Variants in AR observed in about 807,000 individuals in gnomAD.
AR encodes the protein androgen receptor.
Under a neutral mutation model 53.9 loss-of-function variants are expected in AR, and 8 were observed. That is an observed-to-expected ratio of 0.15 (90% CI 0.09 to 0.27). AR has a LOEUF of 0.27. AR is among the 10% of genes least tolerant of loss of function. AR has a pLI of 1.00. For synonymous variants in AR, 359 were observed against 316.4 expected, an observed-to-expected ratio of 1.13 and a Z score of -1.43; for missense variants, 639 against 742.5, an observed-to-expected ratio of 0.86 and a Z score of 1.62.
chrX:67,694,726 A>C (rs2076011705), intron 3 of AR: 1 of 1,152,901 alleles, frequency 8.7e-7, no homozygotes, highest in African/African-American at 1.8e-5. Flanking sequence ...ACCCTGAAGA[A>C]AGGCTGACTT....
intron 1 of AR, among the ~76,000 whole-genome samples, chrX:67,639,031 A>T (rs999218090): frequency 1.8e-5 from 2 of 112,095 alleles, no homozygotes; most frequent in Non-Finnish European, 3.8e-5. Context: ...AGTTTTCTGC[A>T]TATGGCTAGC....
intron 1 of AR, among the ~76,000 whole-genome samples, chrX:67,598,290 T>G (rs2147372887): frequency 9.2e-6 from 1 of 108,362 alleles, no homozygotes; most frequent in South Asian, 4.1e-4. Flanking sequence ...AATGTTTTTT[T>G]TTTTTTTTTT....
chrX:67,585,820 C>G lies in AR; in HGVS notation c.1616+39058C>G, dbSNP rs775017565. ...ACTGTTGTACCCAAAGCACATAAAT[C>G]ACCACATATACTATTAATATATTTA... On this transcript the variant is annotated intron_variant, in intron 1 of 7. Coordinates refer to ENST00000374690, the MANE Select transcript of AR (RefSeq NM_000044.6). Among the ~76,000 whole-genome samples the G allele has an allele frequency of 3.6e-5, 4 of 112,360 alleles. No individual in the cohort carries two copies. In the East Asian group the frequency reaches 1.1e-3, roughly 32 times the overall value.
intron 1 of AR, among the ~76,000 whole-genome samples, chrX:67,638,551 G>T (rs759735624): frequency 1.2e-4 from 13 of 111,916 alleles, no homozygotes; most frequent in African/African-American, 4.2e-4. Flanking sequence ...TTGTGGTTTT[G>T]ATTTGCATTT....
At chrX:67,559,846 T>G (rs1478826795) in intron 1 of AR, among the ~76,000 whole-genome samples, 2 of 111,749 alleles carry the variant, frequency 1.8e-5, no homozygotes, top group South Asian at 3.7e-4. Flanking sequence ...GAACATGTTT[T>G]GGGTCTCTTT....
At chrX:67,608,578 T>A (rs1381864103) in intron 1 of AR, among the ~76,000 whole-genome samples, 3 of 111,978 alleles carry the variant, frequency 2.7e-5, no homozygotes, top group Admixed American at 9.5e-5. Flanking sequence ...TCAGTATTAG[T>A]GAATCTAAAG....
At chrX:67,591,596 GGGCTCTCCAA>G (rs1365993937) in intron 1 of AR, among the ~76,000 whole-genome samples, 9 of 111,567 alleles carry the variant, frequency 8.1e-5, no homozygotes, top group African/African-American at 2.9e-4. Context: ...AGGCCCAACA[GGGCTCTCCAA>G]GGAGGCAAAA....
intron 1 of AR, among the ~76,000 whole-genome samples, chrX:67,560,538 A>G (rs949128048): frequency 9.0e-6 from 1 of 111,456 alleles, no homozygotes; most frequent in African/African-American, 3.3e-5. Context: ...GCCTTGCTGT[A>G]TAGTTGTGTA....
intron 1 of AR, among the ~76,000 whole-genome samples, chrX:67,591,436 TTTAAATAAA>T (rs2147365991): frequency 8.9e-6 from 1 of 111,924 alleles, no homozygotes; most frequent in African/African-American, 3.2e-5. Flanking sequence ...TGAATATATT[TTTAAATAAA>T]GTACTCCTTT....
rs760580125 is a variant in AR, at chrX:67,546,514, T to TGGA, written c.1370_1371insAGG (p.Gly473dup). ...GACCGTGTGGTGGTGGTGGGGGTGG[T>TGGA]GGCGGCGGCGGCGGCGGCGGCGGCG... On this transcript the variant is annotated inframe_insertion, in exon 1 of 8. Transcript: ENST00000374690. The TGGA allele has an allele frequency of 2.1e-4, 119 of 559,357 alleles. No individual in the cohort carries two copies. The highest frequency in any genetic ancestry group is 1.8e-4 in the Non-Finnish European group (75 of 415,474). The allele number at this position is 559,357 out of a possible 1,213,427, so 46.1% of individuals were successfully genotyped here.
At chrX:67,576,337 A>G (rs1345715236) in intron 1 of AR, among the ~76,000 whole-genome samples, 1 of 110,662 alleles carries the variant, frequency 9.0e-6, no homozygotes. Context: ...GTTGACAACT[A>G]GAATTCGTTC....
chrX:67,613,596 TTACTG>T (rs1923978274), intron 1 of AR, among the ~76,000 whole-genome samples: 1 of 111,179 alleles, frequency 9.0e-6, no homozygotes, highest in South Asian at 3.8e-4. Flanking sequence ...CATGTGTGCT[TTACTG>T]TACCCTCTCA....
Position 67,546,514 on chromosome X carries a change from TGGCGGCGGCGGCGGCGGC to T in AR, c.1403_1420del (p.Gly468_Gly473del), listed in dbSNP as rs746853821. Reference sequence around the variant, plus strand: ...GACCGTGTGGTGGTGGTGGGGGTGGTGGCGGCGGCGGCGGCGGCGGCGGCGGCGGCGGCGGCGGCGGCG... The same window carrying T: ...GACCGTGTGGTGGTGGTGGGGGTGGTGGCGGCGGCGGCGGCGGCGGCGGCG... On this transcript the variant is annotated inframe_deletion, in exon 1 of 8. Transcript: ENST00000374690. The T allele has an allele frequency of 0.025, 14,039 of 558,345 alleles. 1,198 individuals carry two copies. The highest frequency in any genetic ancestry group is 0.042 in the South Asian group (687 of 16,172). 46.0% of individuals were successfully genotyped at this position (558,345 alleles called of 1,213,427 possible).
At chrX:67,632,427 T>G (rs1013626895) in intron 1 of AR, among the ~76,000 whole-genome samples, 47 of 112,425 alleles carry the variant, frequency 4.2e-4, no homozygotes, top group South Asian at 1.1e-3. Flanking sequence ...CACCCCTTTC[T>G]TTGACTAGGA....
chrX:67,564,507 C>T (rs1389872824), intron 1 of AR, among the ~76,000 whole-genome samples: 1 of 111,635 alleles, frequency 9.0e-6, no homozygotes, highest in Non-Finnish European at 1.9e-5. Flanking sequence ...TCAGTCTTGG[C>T]GGGATGTATT....
intron 1 of AR, among the ~76,000 whole-genome samples, chrX:67,609,933 CACTTA>C (rs1284620236): frequency 3.6e-5 from 4 of 111,298 alleles, no homozygotes; most frequent in Non-Finnish European, 7.6e-5. Flanking sequence ...GGGGCAAGAC[CACTTA>C]ACTCTTGGAA....
rs1397836318 is a variant in AR, at chrX:67,636,804, G to T, written c.1617-6452G>T. Among the ~76,000 whole-genome samples the T allele has an allele frequency of 4.5e-5, 5 of 111,589 alleles. No homozygotes were observed. In the Admixed American group the frequency reaches 4.8e-4, roughly 11 times the overall value. On this transcript the variant is annotated intron_variant, in intron 1 of 7. Coordinates refer to ENST00000374690, the MANE Select transcript of AR (RefSeq NM_000044.6). ...ATATTTTGCTAGCTGGGGAGTCAGG[G>T]AGAAGCAGAGACTGACCTAGTGAGG...
At chrX:67,723,578 G>T in intron 7 of AR, 108 bp from the exon 8 acceptor site, 2 of 885,189 alleles carry the variant, frequency 2.3e-6, no homozygotes, top group Non-Finnish European at 3.3e-6. Flanking sequence ...ACGGGGAAGG[G>T]GGAGGAAACA....
intron 1 of AR, among the ~76,000 whole-genome samples, chrX:67,575,582 A>C (rs764865218): frequency 1.8e-5 from 2 of 112,022 alleles, no homozygotes; most frequent in African/African-American, 3.2e-5. Context: ...GCTTAAAGGA[A>C]GGCAGTGCAG....
Sources: gnomAD v4.1 joint callset for allele counts (sites outside exome capture counted in the v4.1 genomes callset) on GRCh38, gnomAD v4.1.1 for gene constraint, MANE v1.5 for transcripts, NCBI Gene and HGNC (gene_info 2026-07-23, HGNC 2026-07-21) for gene names.